POFUT1: variants seen among roughly 807,000 people sequenced by gnomAD.
The protein encoded by POFUT1 is GDP-fucose protein O-fucosyltransferase 1.
In POFUT1, 16 loss-of-function variants were observed where a neutral mutation model predicts 42.4. That is an observed-to-expected ratio of 0.38 (90% confidence interval 0.26 to 0.57). The LOEUF (loss-of-function observed/expected upper bound fraction) is 0.57, where lower values mean the gene tolerates loss of function less well. Among genes scored for constraint, POFUT1 ranks in the 20% least tolerant of loss-of-function variants. The pLI is 0.71. For synonymous variants in POFUT1, 206 were observed against 205.4 expected (o/e 1.00, Z -0.03); for missense variants, 470 against 504.6 (o/e 0.93, Z 0.66).
intron 4 of POFUT1, among the ~76,000 whole-genome samples, chr20:32,219,358 A>G (rs1227345297): frequency 2.6e-5 from 4 of 152,180 alleles, no homozygotes. Context: ...GGAAGTCAGG[A>G]GCAAAGACCC....
chr20:32,216,982 G>T (rs1256129151), intron 4 of POFUT1: 4 of 1,611,528 alleles, frequency 2.5e-6, no homozygotes, highest in Non-Finnish European at 2.5e-6. Context: ...TTCTGCAGTC[G>T]CATGAGTCTC....
rs376069329 is a variant in POFUT1 at position 32,230,835 on chromosome 20, T to C, written c.752T>C (p.Met251Thr). The C allele has an allele frequency of 3.7e-6, 6 of 1,613,852 alleles. No homozygotes were observed. The South Asian group carries it at 4.4e-5, about 12-fold the overall frequency. ...IGSDWKNACA[M>T]LKDGTAGSHF... ...TCTCCGTAGAAGAACGCCTGTGCCA[T>C]GCTGAAGGACGGGACTGCAGGCTCG... Residue 251 changes from methionine (M) to threonine (T), a missense_variant, in exon 6 of 7, where the codon ATG (methionine) becomes ACG (threonine). By Grantham distance (81) the Met-to-Thr change is moderately conservative. Coordinates refer to ENST00000375749, the MANE Select transcript of POFUT1 (RefSeq NM_015352.2).
Position 32,215,430 on chromosome 20 carries a change from T to C in POFUT1, c.408T>C (p.Asp136=), listed in dbSNP as rs999915651. ...AGGTGGCAGCCCAGCGAAGCCCAGATAAGAAGACGTGCCCCATGAAGGTGG... is the reference window on the plus strand; with the variant it reads ...AGGTGGCAGCCCAGCGAAGCCCAGACAAGAAGACGTGCCCCATGAAGGTGG... ...CFEVAAQRSP[D]KKTCPMKEGN... Residue 136 remains aspartate, a synonymous_variant, in exon 3 of 7, where the codon GAT becomes GAC. Coordinates refer to ENST00000375749, the MANE Select transcript of POFUT1 (RefSeq NM_015352.2). The C allele has an allele frequency of 1.2e-6, 2 of 1,612,040 alleles. No homozygotes were observed. Among genetic ancestry groups the C allele is most frequent in the African/African-American group, 2.7e-5 (2 of 74,874 alleles).
intron 4 of POFUT1, among the ~76,000 whole-genome samples, chr20:32,219,942 A>G (rs1021762256): frequency 6.6e-6 from 1 of 152,216 alleles, no homozygotes; most frequent in Non-Finnish European, 1.5e-5. Flanking sequence ...ATTTCTTGGA[A>G]CGAATAACCT....
intron 4 of POFUT1, among the ~76,000 whole-genome samples, chr20:32,221,211 C>A (rs767434423): frequency 1.3e-5 from 2 of 152,114 alleles, no homozygotes; most frequent in Non-Finnish European, 2.9e-5. Flanking sequence ...GAACATTTAA[C>A]ATTAAACATT....
At chr20:32,220,831 T>C (rs1335793369) in intron 4 of POFUT1, among the ~76,000 whole-genome samples, 1 of 151,956 alleles carries the variant, frequency 6.6e-6, no homozygotes, top group African/African-American at 2.4e-5. Context: ...GGAGCCAAGC[T>C]GGGGCCACCA....
At position 32,236,234 on chromosome 20, in the gene POFUT1, G is replaced by A. The variant is rs2047470044; in HGVS notation, c.*1573G>A. The A allele has an allele frequency of 6.6e-6, 1 of 152,252 alleles. No homozygotes were observed. Among genetic ancestry groups the A allele is most frequent in the African/African-American group, 2.4e-5 (1 of 41,458 alleles). 9.4% of individuals were successfully genotyped at this position (152,252 alleles called of 1,614,324 possible). Reference sequence around the variant, plus strand: ...GTACACTCCCTGCCACCACTAGGTTGTAAGCCTGTAGCTGGCTGGCTGATT... The same window carrying A: ...GTACACTCCCTGCCACCACTAGGTTATAAGCCTGTAGCTGGCTGGCTGATT... On this transcript the variant is annotated 3_prime_UTR_variant, in exon 7 of 7. Transcript: ENST00000375749.
At position 32,230,972 on chromosome 20, in the gene POFUT1, T is replaced by C; in HGVS notation, c.889T>C (p.Trp297Arg). 1 of 1,614,208 alleles carries C rather than the reference T, an allele frequency of 6.2e-7. No individual in the cohort carries two copies. Among genetic ancestry groups the C allele is most frequent in the Non-Finnish European group, 8.5e-7 (1 of 1,180,024 alleles). ...LKEIQRAVKLWVRSLDAQSVY... is the reference protein window; with the variant it reads ...LKEIQRAVKLRVRSLDAQSVY... Reference sequence around the variant, plus strand: ...GGAGATCCAGAGGGCTGTGAAGCTCTGGGTGAGGTCGCTGGATGCCCAGTC... The same window carrying C: ...GGAGATCCAGAGGGCTGTGAAGCTCCGGGTGAGGTCGCTGGATGCCCAGTC... The change falls in exon 6 of 7, where the codon TGG becomes CGG. Residue 297 changes from tryptophan (W) to arginine (R), a missense_variant. Coordinates refer to ENST00000375749, the MANE Select transcript of POFUT1 (RefSeq NM_015352.2).
chr20:32,216,741 TTTCTG>T lies in POFUT1; in HGVS notation c.542+21_542+25del. ...CCAGAGGTACTTGGAGGGGGTAGCGTTTCTGGGTTTAGGGGAGGCGCATGGAGCTC... is the reference window on the plus strand; with the variant it reads ...CCAGAGGTACTTGGAGGGGGTAGCGTGGTTTAGGGGAGGCGCATGGAGCTC... On this transcript the variant is annotated intron_variant, in intron 4 of 6. Transcript: ENST00000375749. 2 of 1,555,336 alleles carry T rather than the reference TTTCTG, an allele frequency of 1.3e-6. No individual in the cohort carries two copies. The highest frequency in any genetic ancestry group is 2.7e-5 in the African/African-American group (2 of 73,728).
rs556703608 is a variant in POFUT1 at position 32,214,147 on chromosome 20, CAG to C, written c.247-1119_247-1118del. On this transcript the variant is annotated intron_variant, in intron 2 of 6. Coordinates refer to ENST00000375749, the MANE Select transcript of POFUT1 (RefSeq NM_015352.2). The stretch of plus-strand genomic sequence containing the variant: ...AAAAAAAAAAATTTTTTTTTTGAGA[CAG>C]AGTCTCACTCTGTGGCCCAGGCTAG... Among the ~76,000 whole-genome samples the C allele has an allele frequency of 3.1e-3, 464 of 151,748 alleles. 1 individual carries two copies. Among genetic ancestry groups the C allele is most frequent in the African/African-American group, 0.011 (450 of 41,368 alleles).
At chr20:32,217,122 A>G in intron 4 of POFUT1, 2 of 1,593,128 alleles carry the variant, frequency 1.3e-6, no homozygotes, top group Non-Finnish European at 1.7e-6. Context: ...TAATTATTGG[A>G]CGTGTTTATT....
chr20:32,217,527 A>C, intron 4 of POFUT1: 1 of 986,042 alleles, frequency 1.0e-6, no homozygotes, highest in Non-Finnish European at 1.2e-6. Flanking sequence ...TGGGTGGATC[A>C]CTTGAGCCTA....
In POFUT1 at chr20:32,207,987, C is replaced by G. The variant is rs745479645; in HGVS notation, c.46C>G (p.Leu16Val). ...WARPLSVSFL[L>V]LLLPLPGMPA... ...ACGGCCGCTGAGCGTGTCTTTCCTG[C>G]TGCTGCTTCTGCCGCTCCCGGGGAT... The change falls in exon 1 of 7, where the codon CTG (leucine) becomes GTG (valine). Residue 16 changes from leucine (L) to valine (V), a missense_variant. Physicochemically the swap from Leu to Val is conservative, Grantham distance 32 (BLOSUM62 1). Coordinates refer to ENST00000375749, the MANE Select transcript of POFUT1 (RefSeq NM_015352.2). The G allele has an allele frequency of 3.1e-6, 5 of 1,593,844 alleles. No individual in the cohort carries two copies. In the South Asian group the frequency reaches 4.5e-5, roughly 14 times the overall value.
At chr20:32,234,034 A>G (rs2047456461) in intron 6 of POFUT1, among the ~76,000 whole-genome samples, 1 of 152,148 alleles carries the variant, frequency 6.6e-6, no homozygotes, top group Non-Finnish European at 1.5e-5. Context: ...ATTGTTTTAA[A>G]TTAACCACGT....
At chr20:32,209,922 G>T in intron 1 of POFUT1, 149 bp from the exon 2 acceptor site, 1 of 780,050 alleles carries the variant, frequency 1.3e-6, no homozygotes. Flanking sequence ...AGACCCAAGA[G>T]TCCAGACTTG....
At chr20:32,210,292 C>CT in intron 2 of POFUT1, 100 bp downstream of exon 2, 1 of 1,214,516 alleles carries the variant, frequency 8.2e-7, no homozygotes, top group Non-Finnish European at 1.2e-6. Flanking sequence ...TCCCACTCCT[C>CT]TGAGATTTCC....
At chr20:32,217,496 C>G (rs564859250) in intron 4 of POFUT1, 1 of 990,068 alleles carries the variant, frequency 1.0e-6, no homozygotes, top group East Asian at 1.1e-4. Context: ...CCTGTAATCC[C>G]AGCACTTTGG....
intron 4 of POFUT1, among the ~76,000 whole-genome samples, chr20:32,227,242 G>A (rs2047419090): frequency 6.6e-6 from 1 of 152,164 alleles, no homozygotes; most frequent in Admixed American, 6.5e-5. Context: ...GTATTGACCG[G>A]GCGCGGTGGC....
At chr20:32,215,194 T>G in intron 2 of POFUT1, 75 bp from the exon 3 acceptor site, 1 of 1,158,028 alleles carries the variant, frequency 8.6e-7, no homozygotes, top group Non-Finnish European at 1.3e-6. Context: ...TGGCCTGGAG[T>G]GTATTGTTTT....
Sources: gnomAD v4.1 joint callset for allele counts (sites outside exome capture counted in the v4.1 genomes callset) on GRCh38, gnomAD v4.1.1 for gene constraint, MANE v1.5 for transcripts, NCBI Gene and HGNC (gene_info 2026-07-23, HGNC 2026-07-21) for gene names.